Variants in KLK9 observed in about 807,000 individuals in gnomAD.
The protein encoded by KLK9 is kallikrein-9.
KLK9 carries 26 observed loss-of-function variants against 23.3 expected under a neutral mutation model. The observed-to-expected ratio is 1.12, with a 90% CI of 0.82 to 1.55. The LOEUF is 1.55. Ranked by LOEUF, KLK9 falls within the 40% of genes most tolerant of loss-of-function variation. The pLI, the probability that KLK9 is intolerant of heterozygous loss-of-function variation, is 0.00. For synonymous variants in KLK9, 122 were observed against 128.5 expected, an observed-to-expected ratio of 0.95 and a Z score of 0.34; for missense variants, 346 against 333.7, an observed-to-expected ratio of 1.04 and a Z score of -0.29.
At chr19:51,008,259 A>G (rs2091263222) in intron 2 of KLK9, among the ~76,000 whole-genome samples, 2 of 148,192 alleles carry the variant, frequency 1.3e-5, no homozygotes, top group Non-Finnish European at 3.0e-5. Flanking sequence ...AATTGCTTGA[A>G]CCCGAGAGGC....
chr19:51,003,666 G>C (rs369453682), intron 4 of KLK9, 38 bp downstream of exon 4: 50 of 1,578,590 alleles, frequency 3.2e-5, no homozygotes, highest in Non-Finnish European at 4.0e-5. Flanking sequence ...TAGAAAACTT[G>C]GCAGGACAGC....
chr19:51,006,390 G>A lies in KLK9; in HGVS notation c.466+68C>T, dbSNP rs2091255601. The A allele has an allele frequency of 7.2e-7, 1 of 1,393,688 alleles. No homozygotes were observed. Among genetic ancestry groups the A allele is most frequent in the South Asian group, 1.4e-5 (1 of 69,846 alleles). The allele number at this position is 1,393,688 out of a possible 1,614,324, so 86.3% of individuals were successfully genotyped here. On this transcript the variant is annotated intron_variant, in intron 3 of 4. Transcript: ENST00000594211. This position sits in a 1 kb window ranked among gnomAD's most constrained non-coding sequence, Gnocchi z 4.1. ...AGAGGAGAGAGAAAAGGAGAAGACA[G>A]AGATGAAAAGGCAGAGACAGAGGGG...
chr19:51,003,326 T>C (rs1042589170), intron 4 of KLK9, 66 bp from the exon 5 acceptor site: 1 of 1,502,662 alleles, frequency 6.7e-7, no homozygotes. Context: ...CACGGGCCAC[T>C]TCCTCCCTCC....
chr19:51,002,939 T>C lies in KLK9; in HGVS notation c.*172A>G. On this transcript the variant is annotated 3_prime_UTR_variant, in exon 5 of 5. Coordinates refer to ENST00000594211, the MANE Select transcript of KLK9 (RefSeq NM_012315.2). ...CGAGGGGGCGCGACTGTGTCTTGCT[T>C]GACCTCGTGAGGGGGCGGAGCCTCA... 1 of 769,324 alleles carries C rather than the reference T, an allele frequency of 1.3e-6. No homozygotes were observed. Among genetic ancestry groups the C allele is most frequent in the Non-Finnish European group, 2.1e-6 (1 of 486,738 alleles). 47.7% of individuals were successfully genotyped at this position (769,324 alleles called of 1,614,324 possible). A position where few individuals can be genotyped will look rare whatever the true frequency, so the allele number is the denominator to read the frequency against.
chr19:51,006,516 A>C lies in KLK9; in HGVS notation c.408T>G (p.Cys136Trp), dbSNP rs1361395908. 4.3e-6 allele frequency: 7 copies of C among 1,613,218 alleles called. No individual in the cohort carries two copies. The highest frequency in any genetic ancestry group is 5.9e-6 in the Non-Finnish European group (7 of 1,179,444). ...TGAGACACTGCATGCCTGGGGAGACACAGGTCTGGCTGAGGTTGAGGGGCT... is the reference window on the plus strand; with the variant it reads ...TGAGACACTGCATGCCTGGGGAGACCCAGGTCTGGCTGAGGTTGAGGGGCT... ...AVQPLNLSQT[C>W]VSPGMQCLIS... is the part of the protein sequence containing the mutation. The change falls in exon 3 of 5, where the codon TGT becomes TGG. Residue 136 changes from cysteine to tryptophan, a missense_variant. By Grantham distance (215) the Cys-to-Trp change is radical. Coordinates refer to ENST00000594211, the MANE Select transcript of KLK9 (RefSeq NM_012315.2). The surrounding 1 kb of genome is among the most constrained non-coding windows in gnomAD (Gnocchi z 4.1).
chr19:51,003,316 C>CACG, intron 4 of KLK9, 56 bp from the exon 5 acceptor site: 1 of 1,540,442 alleles, frequency 6.5e-7, no homozygotes, highest in Non-Finnish European at 8.8e-7. Context: ...ATGACAATTA[C>CACG]ACGGGCCACT....
At chr19:51,005,849 C>T (rs917098102) in intron 3 of KLK9, among the ~76,000 whole-genome samples, 2 of 150,976 alleles carry the variant, frequency 1.3e-5, no homozygotes, top group African/African-American at 2.4e-5. Flanking sequence ...GAGTCCAAGG[C>T]GGGCAGATCA....
At chr19:51,007,906 G>C (rs367989411) in intron 2 of KLK9, among the ~76,000 whole-genome samples, 43 of 152,130 alleles carry the variant, frequency 2.8e-4, no homozygotes, top group Admixed American at 6.5e-4. Flanking sequence ...AGAGGCTCAA[G>C]GTTTAGAGTT....
intron 2 of KLK9, among the ~76,000 whole-genome samples, chr19:51,007,143 A>G (rs2091258866): frequency 6.6e-6 from 1 of 151,706 alleles, no homozygotes; most frequent in East Asian, 1.9e-4. Flanking sequence ...GCGGCTCTGT[A>G]TGTCTAAGTG....
Position 51,003,194 on chromosome 19 carries a change from G to T in KLK9, c.670C>A (p.Pro224Thr). ...GCGGGGCGCCGGGGTCTGGAGCAGG[G>T]CTCAGCACCCCCAGACACCACGCCT... ...LAGVVSGGAEPCSRPRRPAVY... is the reference protein window; with the variant it reads ...LAGVVSGGAETCSRPRRPAVY... The change falls in exon 5 of 5, where the codon CCC (proline) becomes ACC (threonine). Residue 224 changes from proline to threonine, a missense_variant. By Grantham distance (38) the Pro-to-Thr change is conservative. Coordinates refer to ENST00000594211, the MANE Select transcript of KLK9 (RefSeq NM_012315.2). 6.3e-7 allele frequency: 1 copy of T among 1,597,160 alleles called. No individual in the cohort carries two copies. Among genetic ancestry groups the T allele is most frequent in the Non-Finnish European group, 8.5e-7 (1 of 1,171,878 alleles).
At position 51,009,368 on chromosome 19, in the gene KLK9, C is replaced by T; in HGVS notation, c.44-29G>A. 1 of 1,553,386 alleles carries T rather than the reference C, an allele frequency of 6.4e-7. No individual in the cohort carries two copies. Among genetic ancestry groups the T allele is most frequent in the Non-Finnish European group, 8.7e-7 (1 of 1,147,970 alleles). On this transcript the variant is annotated intron_variant, in intron 1 of 4. Transcript: ENST00000594211. The surrounding 1 kb of genome is among the most constrained non-coding windows in gnomAD (Gnocchi z 4.8). ...GGGTGGGGATGAGGGACAAAGGGGT[C>T]AGCGAAGAGCAGGCTGGGAGGGCAG...
At chr19:51,007,185 AG>A (rs1388612643) in intron 2 of KLK9, among the ~76,000 whole-genome samples, 2 of 151,888 alleles carry the variant, frequency 1.3e-5, no homozygotes, top group Non-Finnish European at 2.9e-5. Flanking sequence ...TGTGTATGAA[AG>A]GGGATGGGAT....
Position 51,009,316 on chromosome 19 carries a change from C to A in KLK9, c.67G>T (p.Ala23Ser). ...GGGCGACATTCCTCGGCCCCGATGG[C>A]ACGGGTGTCTGCCCAGCCATGCCCT... ...LAGHGWADTR[A>S]IGAEECRPNS... The change falls in exon 2 of 5, where the codon GCC (alanine) becomes TCC (serine). Residue 23 changes from alanine (A) to serine (S), a missense_variant. Coordinates refer to ENST00000594211, the MANE Select transcript of KLK9 (RefSeq NM_012315.2). This position sits in a 1 kb window ranked among gnomAD's most constrained non-coding sequence, Gnocchi z 4.8. 1.3e-6 allele frequency: 2 copies of A among 1,590,636 alleles called. No homozygotes were observed. The highest frequency in any genetic ancestry group is 2.3e-5 in the East Asian group (1 of 44,260).
intron 3 of KLK9, among the ~76,000 whole-genome samples, chr19:51,004,070 G>A (rs555617692): frequency 1.3e-5 from 2 of 152,168 alleles, no homozygotes; most frequent in East Asian, 1.9e-4. Flanking sequence ...GCCGGGCACC[G>A]TGGCTCATGC....
chr19:51,006,084 G>T lies in KLK9; in HGVS notation c.466+374C>A, dbSNP rs183499733. On this transcript the variant is annotated intron_variant, in intron 3 of 4. Transcript: ENST00000594211. This position sits in a 1 kb window ranked among gnomAD's most constrained non-coding sequence, Gnocchi z 4.1. ...AGCTGCAATGAGCCGTGATCACACC[G>T]CTGCACTCCAGCCTGAGCAACAAAG... Among the ~76,000 whole-genome samples the T allele has an allele frequency of 6.6e-6, 1 of 151,430 alleles. No individual in the cohort carries two copies. The highest frequency in any genetic ancestry group is 1.5e-5 in the Non-Finnish European group (1 of 67,790).
rs779412654 is a variant in KLK9 at position 51,007,051 on chromosome 19, A to G, written c.201-328T>C. On this transcript the variant is annotated intron_variant, in intron 2 of 4. Transcript: ENST00000594211. ...TTGGTGGTGACTTGGGTCCCTAGGA[A>G]CGGTGTGGGCACGGGGGACCCCACC... Among the ~76,000 whole-genome samples the G allele has an allele frequency of 3.6e-4, 54 of 151,844 alleles. 1 individual carries two copies. The highest frequency in any genetic ancestry group is 1.2e-4 in the Non-Finnish European group (8 of 67,896).
intron 2 of KLK9, among the ~76,000 whole-genome samples, chr19:51,008,100 G>A (rs2091262377): frequency 1.3e-5 from 2 of 151,252 alleles, no homozygotes; most frequent in Non-Finnish European, 2.9e-5. Context: ...GGAGGCCGAG[G>A]CGGGCAGATC....
In KLK9 at chr19:51,002,852, A is replaced by T; in HGVS notation, c.*259T>A. ...CACAGGCTGTGCTGTTCCAAGAAGG[A>T]GGTGATGGCTGTCGGTGACGTCATA... On this transcript the variant is annotated 3_prime_UTR_variant, in exon 5 of 5. Coordinates refer to ENST00000594211, the MANE Select transcript of KLK9 (RefSeq NM_012315.2). 1 of 411,222 alleles carries T rather than the reference A, an allele frequency of 2.4e-6. No individual in the cohort carries two copies. Among genetic ancestry groups the T allele is most frequent in the East Asian group, 3.8e-5 (1 of 26,634 alleles). The allele number at this position is 411,222 out of a possible 1,614,324, so 25.5% of individuals were successfully genotyped here. A position where few individuals can be genotyped will look rare whatever the true frequency, so the allele number is the denominator to read the frequency against.
In KLK9 at chr19:51,003,270, A is replaced by G; in HGVS notation, c.604-10T>C. The G allele has an allele frequency of 6.2e-7, 1 of 1,609,152 alleles. No individual in the cohort carries two copies. Among genetic ancestry groups the G allele is most frequent in the South Asian group, 1.1e-5 (1 of 90,452 alleles). On this transcript the variant is annotated splice_polypyrimidine_tract_variant and intron_variant, in intron 4 of 4. Transcript: ENST00000594211. The stretch of plus-strand genomic sequence containing the variant: ...GGCCCCCAGAGTCACCCTGTACGCG[A>G]GAGAAGGGCAGAGGAACTGTTAGGC...
Sources: gnomAD v4.1 joint callset for allele counts (sites outside exome capture counted in the v4.1 genomes callset) on GRCh38, gnomAD v4.1.1 for gene constraint, Gnocchi (gnomAD v3.1) non-coding constraint, MANE v1.5 for transcripts, NCBI Gene and HGNC (gene_info 2026-07-23, HGNC 2026-07-21) for gene names.